The following TMEM26 variants were observed in gnomAD, a reference collection of about 807,000 sequenced individuals.
The protein encoded by TMEM26 is transmembrane protein 26.
A neutral mutation model predicts 28.8 loss-of-function variants in TMEM26; 38 were observed. That is an observed-to-expected ratio of 1.32 (90% CI 1.02 to 1.73). The LOEUF (loss-of-function observed/expected upper bound fraction) is 1.73, where lower values mean the gene tolerates loss of function less well. TMEM26 is among the 40% of genes most tolerant of loss of function. The probability of loss-of-function intolerance (pLI) is 0.00; values close to 1 mark genes in which losing one functional copy is unlikely to be tolerated. For synonymous variants in TMEM26, 227 were observed against 182.9 expected (o/e 1.24, Z -1.95); for missense variants, 518 against 447.1 (o/e 1.16, Z -1.43).
At chr10:61,438,791 T>C (rs1055221410) in intron 1 of TMEM26, among the ~76,000 whole-genome samples, 9 of 152,176 alleles carry the variant, frequency 5.9e-5, no homozygotes, top group Admixed American at 4.6e-4. Flanking sequence ...TTATCTCCAC[T>C]TTTCCTCCCT....
At position 61,453,328 on chromosome 10, in the gene TMEM26, C is replaced by T. The variant is rs980007327; in HGVS notation, c.-247G>A. The T allele has an allele frequency of 2.1e-6, 1 of 478,784 alleles. No individual in the cohort carries two copies. The highest frequency in any genetic ancestry group is 1.9e-5 in the African/African-American group (1 of 51,934). 29.7% of individuals were successfully genotyped at this position (478,784 alleles called of 1,614,324 possible). Reference sequence around the variant, plus strand: ...CAGCTTTTCCAGACTGCTGGGTTTTCCAGGGAGTCTGGGGCTGCGCTGCCC... The same window carrying T: ...CAGCTTTTCCAGACTGCTGGGTTTTTCAGGGAGTCTGGGGCTGCGCTGCCC... On this transcript the variant is annotated 5_prime_UTR_variant, in exon 1 of 6. Transcript: ENST00000399298.
chr10:61,410,265 C>G lies in TMEM26; in HGVS notation c.*57G>C. 1 of 1,512,556 alleles carries G rather than the reference C, an allele frequency of 6.6e-7. No homozygotes were observed. Among genetic ancestry groups the G allele is most frequent in the Non-Finnish European group, 8.9e-7 (1 of 1,124,570 alleles). 93.7% of individuals were successfully genotyped at this position (1,512,556 alleles called of 1,614,324 possible). ...AAGGTTGGAGGAGAAAAAGGATCCT[C>G]CCTGTAAGAAGAACCAGGGAGTCAG... On this transcript the variant is annotated 3_prime_UTR_variant, in exon 6 of 6. Transcript: ENST00000399298.
At chr10:61,413,417 G>C (rs1194743396) in intron 5 of TMEM26, 42 bp downstream of exon 5, 16 of 1,599,568 alleles carry the variant, frequency 1.0e-5, no homozygotes, top group Non-Finnish European at 1.4e-5. Flanking sequence ...TAATCAAGAG[G>C]TGTAATTTTC....
At chr10:61,452,400 G>T (rs568732990) in intron 1 of TMEM26, among the ~76,000 whole-genome samples, 1 of 152,250 alleles carries the variant, frequency 6.6e-6, no homozygotes, top group Non-Finnish European at 1.5e-5. Context: ...CAGACGTGCA[G>T]CGAGGGTCTT....
chr10:61,417,465 GT>G (rs71018971), intron 4 of TMEM26, among the ~76,000 whole-genome samples: 21,564 of 139,886 alleles, frequency 0.15, 1,710 homozygotes, highest in Middle Eastern at 0.31. Context: ...AATTCATCTA[GT>G]TTTTTTTTTT....
rs769654296 is a variant in TMEM26, at chr10:61,413,533, T to C, written c.608A>G (p.Asn203Ser). 1 of 1,599,454 alleles carries C rather than the reference T, an allele frequency of 6.3e-7. No homozygotes were observed. Among genetic ancestry groups the C allele is most frequent in the Non-Finnish European group, 8.5e-7 (1 of 1,174,830 alleles). Residue 203 changes from asparagine to serine, a missense_variant and splice_region_variant, in exon 5 of 6, where the codon AAT (asparagine) becomes AGT (serine). By Grantham distance (46) the Asn-to-Ser change is conservative. Transcript: ENST00000399298. The stretch of plus-strand genomic sequence containing the variant: ...GATGGCATAGACTAGTGCAGGACTA[T>C]TCCTAGAATACAGACAAAATGTTAA... Reference protein sequence around the residue: ...SETLEEQNVRNSPALVYAILV... With the variant: ...SETLEEQNVRSSPALVYAILV...
At chr10:61,410,781 T>C (rs1488892183) in intron 5 of TMEM26, 35 bp from the exon 6 acceptor site, 2 of 1,600,666 alleles carry the variant, frequency 1.2e-6, no homozygotes, top group Non-Finnish European at 1.7e-6. Context: ...ACTATCTCTC[T>C]TGGAAGTGTA....
chr10:61,413,663 T>C (rs563508915), intron 4 of TMEM26, 128 bp from the exon 5 acceptor site: 39 of 1,328,964 alleles, frequency 2.9e-5, no homozygotes, highest in Non-Finnish European at 3.5e-5. Flanking sequence ...GGTGATTTAA[T>C]AAATCAATGA....
chr10:61,440,701 T>C (rs1046252634), intron 1 of TMEM26, among the ~76,000 whole-genome samples: 2 of 152,198 alleles, frequency 1.3e-5, no homozygotes, highest in African/African-American at 4.8e-5. Context: ...TTTTATGCCA[T>C]AGATTTTCAA....
In TMEM26 at chr10:61,444,455, G is replaced by A. The variant is rs570878066; in HGVS notation, c.192-8207C>T. On this transcript the variant is annotated intron_variant, in intron 1 of 5. Transcript: ENST00000399298. ...GTAGAGGAGATTGGTTCTTTAGGAC[G>A]AAAGTTAAAATAGTCTAGAATTTTC... is the stretch of plus-strand genomic sequence containing the variant. 1.5e-3 allele frequency among the ~76,000 whole-genome samples: 226 copies of A among 152,080 alleles called. 1 individual carries two copies. Among genetic ancestry groups the A allele is most frequent in the Admixed American group, 7.7e-3 (118 of 15,278 alleles).
rs1839545595 is a variant in TMEM26 at position 61,410,239 on chromosome 10, C to A, written c.*83G>T. ...TGTTCTTTTGAAAATTATTATACGC[C>A]AAGGTTGGAGGAGAAAAAGGATCCT... On this transcript the variant is annotated 3_prime_UTR_variant, in exon 6 of 6. Coordinates refer to ENST00000399298, the MANE Select transcript of TMEM26 (RefSeq NM_178505.8). 5.0e-6 allele frequency: 7 copies of A among 1,394,334 alleles called. No homozygotes were observed. Among genetic ancestry groups the A allele is most frequent in the Middle Eastern group, 4.5e-4 (2 of 4,434 alleles). The allele number at this position is 1,394,334 out of a possible 1,614,324, so 86.4% of individuals were successfully genotyped here.
intron 4 of TMEM26, chr10:61,413,862 G>A (rs1199328883): frequency 1.0e-6 from 1 of 1,002,656 alleles, no homozygotes; most frequent in Non-Finnish European, 1.2e-6. Context: ...ATATTAACAT[G>A]GATATTCAAA....
chr10:61,445,519 C>T (rs1306701489), intron 1 of TMEM26, among the ~76,000 whole-genome samples: 1 of 152,120 alleles, frequency 6.6e-6, no homozygotes, highest in Non-Finnish European at 1.5e-5. Flanking sequence ...AAATATAACC[C>T]ATCTCCTTAA....
In TMEM26 at chr10:61,410,272, A is replaced by G. The variant is rs1839546032; in HGVS notation, c.*50T>C. ...GAGGAGAAAAAGGATCCTCCCTGTA[A>G]GAAGAACCAGGGAGTCAGGTTCTAG... On this transcript the variant is annotated 3_prime_UTR_variant, in exon 6 of 6. Coordinates refer to ENST00000399298, the MANE Select transcript of TMEM26 (RefSeq NM_178505.8). 6.6e-7 allele frequency: 1 copy of G among 1,515,672 alleles called. No individual in the cohort carries two copies. The highest frequency in any genetic ancestry group is 8.9e-7 in the Non-Finnish European group (1 of 1,123,298). 93.9% of individuals were successfully genotyped at this position (1,515,672 alleles called of 1,614,324 possible).
chr10:61,439,176 AT>A (rs1172582538), intron 1 of TMEM26, among the ~76,000 whole-genome samples: 2 of 152,202 alleles, frequency 1.3e-5, no homozygotes, highest in Non-Finnish European at 2.9e-5. Context: ...TTCTACTTGT[AT>A]TTTAAAGGCA....
At position 61,439,948 on chromosome 10, in the gene TMEM26, A is replaced by T. The variant is rs577052836; in HGVS notation, c.192-3700T>A. Among the ~76,000 whole-genome samples the T allele has an allele frequency of 2.6e-5, 4 of 152,280 alleles. No individual in the cohort carries two copies. The East Asian group carries it at 7.7e-4, about 29-fold the overall frequency. On this transcript the variant is annotated intron_variant, in intron 1 of 5. Transcript: ENST00000399298. ...TTTAAACCATGATTCTCAAAACTAAACCTATATAAGGCCGTGCACAGTGCC... is the reference window on the plus strand; with the variant it reads ...TTTAAACCATGATTCTCAAAACTAATCCTATATAAGGCCGTGCACAGTGCC...
rs1050196715 is a variant in TMEM26 at position 61,410,114 on chromosome 10, A to G, written c.*208T>C. 3 of 591,108 alleles carry G rather than the reference A, an allele frequency of 5.1e-6. No homozygotes were observed. The highest frequency in any genetic ancestry group is 3.7e-5 in the African/African-American group (2 of 53,748). 36.6% of individuals were successfully genotyped at this position (591,108 alleles called of 1,614,324 possible). A position where few individuals can be genotyped will look rare whatever the true frequency, so the allele number is the denominator to read the frequency against. ...TTGAACAACTATAACATCTGATACCATCACACAGAAGTTGTAGCAATAGTC... is the reference window on the plus strand; with the variant it reads ...TTGAACAACTATAACATCTGATACCGTCACACAGAAGTTGTAGCAATAGTC... On this transcript the variant is annotated 3_prime_UTR_variant, in exon 6 of 6. Transcript: ENST00000399298.
chr10:61,431,891 C>A (rs775033501), intron 2 of TMEM26, among the ~76,000 whole-genome samples: 5 of 152,006 alleles, frequency 3.3e-5, no homozygotes, highest in Admixed American at 6.6e-5. Flanking sequence ...CGTCCCTCCC[C>A]TCTCAAGTAG....
chr10:61,417,381 T>G (rs754033887), intron 4 of TMEM26, among the ~76,000 whole-genome samples: 13 of 152,054 alleles, frequency 8.5e-5, no homozygotes, highest in Non-Finnish European at 1.3e-4. Context: ...AAAAGTCATA[T>G]TTTGCCAATG....
Sources: gnomAD v4.1 joint callset for allele counts (sites outside exome capture counted in the v4.1 genomes callset) on GRCh38, gnomAD v4.1.1 for gene constraint, MANE v1.5 for transcripts, NCBI Gene and HGNC (gene_info 2026-07-23, HGNC 2026-07-21) for gene names.